Variants in CATSPERD observed in about 807,000 individuals in gnomAD.
The protein encoded by CATSPERD is cation channel sperm-associated auxiliary subunit delta.
CATSPERD carries 86 observed loss-of-function variants against 98.1 expected under a neutral mutation model. The ratio of observed to expected loss-of-function variants is 0.88; its 90% CI spans 0.74 to 1.05. The LOEUF is 1.05. Ranked by LOEUF, CATSPERD falls within the 50% of genes least tolerant of loss-of-function variation. The pLI is 0.00. For synonymous variants in CATSPERD, 394 were observed against 390.2 expected (o/e 1.01, Z -0.12); for missense variants, 995 against 1,005.7 (o/e 0.99, Z 0.14).
Position 5,778,672 on chromosome 19 carries a change from A to G in CATSPERD, c.2393A>G (p.His798Arg). Reference sequence around the variant, plus strand: ...ACTCCTCACGGAGGCAGGTCTGACCACTGAGGCCGGTCCACAGGGTCCCAA... The same window carrying G: ...ACTCCTCACGGAGGCAGGTCTGACCGCTGAGGCCGGTCCACAGGGTCCCAA... ...HRTPHGGRSD[H>R] Residue 798 changes from histidine (H) to arginine (R), a missense_variant, in exon 22 of 22, where the codon CAC (histidine) becomes CGC (arginine). This residue lies in a region of CATSPERD where 762 missense variants were observed against 773.7 expected (regional missense o/e 0.98). Transcript: ENST00000381624. 1 of 1,611,152 alleles carries G rather than the reference A, an allele frequency of 6.2e-7. No homozygotes were observed. The highest frequency in any genetic ancestry group is 8.5e-7 in the Non-Finnish European group (1 of 1,178,656).
At chr19:5,765,999 G>T (rs1358045176) in intron 16 of CATSPERD, 104 bp from the exon 17 acceptor site, 2 of 793,742 alleles carry the variant, frequency 2.5e-6, no homozygotes, top group Non-Finnish European at 4.0e-6. Flanking sequence ...CAGGCCACAT[G>T]GTTTCCAAAC....
At chr19:5,754,070 C>T (rs749358177) in intron 12 of CATSPERD, 62 bp from the exon 13 acceptor site, 216 of 1,162,804 alleles carry the variant, frequency 1.9e-4, no homozygotes, top group Non-Finnish European at 2.6e-4. Context: ...CTTCCCACCT[C>T]CTTGCCCTTT....
At chr19:5,732,901 T>G (rs1254857734) in intron 4 of CATSPERD, among the ~76,000 whole-genome samples, 1 of 152,072 alleles carries the variant, frequency 6.6e-6, no homozygotes, top group African/African-American at 2.4e-5. Context: ...GGTATTGAAC[T>G]CTTAACCTTG....
chr19:5,748,298 G>A (rs376369654), intron 10 of CATSPERD, 43 bp downstream of exon 10: 1 of 1,575,348 alleles, frequency 6.3e-7, no homozygotes, highest in African/African-American at 1.4e-5. Flanking sequence ...ATTTAGACCT[G>A]GCTTATTAAC....
intron 5 of CATSPERD, among the ~76,000 whole-genome samples, chr19:5,735,843 C>T (rs1022544545): frequency 2.2e-4 from 32 of 144,858 alleles, no homozygotes; most frequent in Non-Finnish European, 3.1e-4. Context: ...TGCAGTGGCG[C>T]GATCTCGGCT....
chr19:5,776,546 C>T (rs923852832), intron 21 of CATSPERD, among the ~76,000 whole-genome samples: 3 of 152,216 alleles, frequency 2.0e-5, no homozygotes, highest in Non-Finnish European at 4.4e-5. Context: ...TGACCAGAGG[C>T]TGTGCCGCTG....
chr19:5,755,037 T>C (rs888101313), intron 13 of CATSPERD, among the ~76,000 whole-genome samples: 1 of 151,248 alleles, frequency 6.6e-6, no homozygotes, highest in Middle Eastern at 3.2e-3. Context: ...TAAGATGGGG[T>C]TTTGCCATGT....
At chr19:5,732,456 G>A (rs990530283) in intron 4 of CATSPERD, among the ~76,000 whole-genome samples, 5 of 129,298 alleles carry the variant, frequency 3.9e-5, no homozygotes, top group Non-Finnish European at 7.2e-5. Flanking sequence ...TTTTTGAGAC[G>A]GAGTCTCACT....
chr19:5,734,766 C>T (rs1217438976), intron 5 of CATSPERD, among the ~76,000 whole-genome samples: 1 of 151,160 alleles, frequency 6.6e-6, no homozygotes, highest in Non-Finnish European at 1.5e-5. Context: ...TGGGCCACTG[C>T]ACCCCAGCCT....
chr19:5,736,583 G>A (rs1260592362), intron 5 of CATSPERD, among the ~76,000 whole-genome samples: 1 of 152,022 alleles, frequency 6.6e-6, no homozygotes, highest in Non-Finnish European at 1.5e-5. Flanking sequence ...CAGGCATGGT[G>A]GTGGGCACCT....
rs182425630 is a variant in CATSPERD, at chr19:5,734,805, A to T, written c.391+835A>T. Among the ~76,000 whole-genome samples the T allele has an allele frequency of 9.8e-4, 149 of 151,960 alleles. 2 individuals are homozygous for T. In the East Asian group the frequency reaches 0.028, roughly 29 times the overall value. On this transcript the variant is annotated intron_variant, in intron 5 of 21. Coordinates refer to ENST00000381624, the MANE Select transcript of CATSPERD (RefSeq NM_152784.4). The stretch of plus-strand genomic sequence containing the variant: ...TGACAGAGTGAGACTCTGTCTAAAA[A>T]AAAAAAAAAATCGAGGGACATCAGC...
At chr19:5,738,842 C>T (rs2055899703) in intron 6 of CATSPERD, among the ~76,000 whole-genome samples, 1 of 152,174 alleles carries the variant, frequency 6.6e-6, no homozygotes, top group Non-Finnish European at 1.5e-5. Flanking sequence ...TCCCAAAGTG[C>T]TGGGATTACA....
intron 21 of CATSPERD, among the ~76,000 whole-genome samples, chr19:5,777,322 G>A (rs902034792): frequency 4.6e-5 from 7 of 152,144 alleles, no homozygotes; most frequent in Admixed American, 4.6e-4. Context: ...AGAGAGAGGA[G>A]ACATGTGTGG....
chr19:5,720,800 G>T lies in CATSPERD; in HGVS notation c.63G>T (p.Gln21His). Residue 21 changes from glutamine (Q) to histidine (H), a missense_variant, in exon 1 of 22, where the codon CAG (glutamine) becomes CAT (histidine). Coordinates refer to ENST00000381624, the MANE Select transcript of CATSPERD (RefSeq NM_152784.4). ...TMWLRPLVTA[Q>H]LCRSRTVRTG... ...GGCTCCGACCGCTGGTCACAGCTCA[G>T]CTCTGTCGGTGGGGCTGCCAGGACT... 1 of 1,600,310 alleles carries T rather than the reference G, an allele frequency of 6.2e-7. No homozygotes were observed. Among genetic ancestry groups the T allele is most frequent in the Non-Finnish European group, 8.5e-7 (1 of 1,179,024 alleles).
chr19:5,762,058 A>ATATATATATTTT, intron 15 of CATSPERD, among the ~76,000 whole-genome samples: 18 of 10,430 alleles, frequency 1.7e-3, no homozygotes, highest in South Asian at 7.8e-3. Flanking sequence ...ATATATATAT[A>ATATATATATTTT]TTTTTTTTTT....
chr19:5,742,222 G>C (rs916631810), intron 7 of CATSPERD, among the ~76,000 whole-genome samples: 2 of 151,558 alleles, frequency 1.3e-5, no homozygotes, highest in African/African-American at 4.8e-5. Context: ...GTGTGTACAT[G>C]TGTGTGCGTG....
intron 4 of CATSPERD, among the ~76,000 whole-genome samples, chr19:5,732,117 A>G (rs1202394982): frequency 1.3e-5 from 2 of 150,252 alleles, no homozygotes; most frequent in African/African-American, 2.5e-5. Context: ...ATTACCCCCA[A>G]AATTAGCCAC....
intron 15 of CATSPERD, among the ~76,000 whole-genome samples, chr19:5,761,304 G>T (rs1480900528): frequency 1.3e-5 from 2 of 152,104 alleles, no homozygotes; most frequent in African/African-American, 2.4e-5. Flanking sequence ...GTTTCACCAT[G>T]TTAGCCAGGC....
chr19:5,725,055 A>G lies in CATSPERD; in HGVS notation c.126+193A>G, dbSNP rs1245201311. Among the ~76,000 whole-genome samples, 5 of 152,210 alleles carry G rather than the reference A, an allele frequency of 3.3e-5. No homozygotes were observed. In the East Asian group the frequency reaches 9.6e-4, roughly 29 times the overall value. ...ATTTCACTGAGAAACAAGTTTAGAG[A>G]GATCAAGTCATCTGAACAACGCCAA... On this transcript the variant is annotated intron_variant, in intron 2 of 21. Coordinates refer to ENST00000381624, the MANE Select transcript of CATSPERD (RefSeq NM_152784.4).
Sources: gnomAD v4.1 joint callset for allele counts (sites outside exome capture counted in the v4.1 genomes callset) on GRCh38, gnomAD v4.1.1 for gene constraint, gnomAD v4.1.1 regional missense constraint, MANE v1.5 for transcripts, NCBI Gene and HGNC (gene_info 2026-07-23, HGNC 2026-07-21) for gene names.